NETO1: variants seen among roughly 807,000 people sequenced by gnomAD.
The protein encoded by NETO1 is neuropilin and tolloid like 1.
In NETO1, 26 loss-of-function variants were observed where a neutral mutation model predicts 61.3. The ratio of observed to expected loss-of-function variants is 0.42; its 90% confidence interval spans 0.31 to 0.59. The LOEUF is 0.59. Ranked by LOEUF, NETO1 falls within the 20% of genes least tolerant of loss-of-function variation. The probability of loss-of-function intolerance (pLI) is 0.12; values close to 1 mark genes in which losing one functional copy is unlikely to be tolerated. For missense variants in NETO1, 531 were observed against 662.8 expected, an observed-to-expected ratio of 0.80 and a Z score of 2.18; for synonymous variants, 225 against 225.8, an observed-to-expected ratio of 1.00 and a Z score of 0.03.
chr18:72,829,094 T>C (rs781194463), intron 4 of NETO1, among the ~76,000 whole-genome samples: 3 of 152,130 alleles, frequency 2.0e-5, no homozygotes, highest in Non-Finnish European at 4.4e-5. Flanking sequence ...CAGCACAACT[T>C]ATATTAGAAA....
At chr18:72,832,867 T>C (rs1400509376) in intron 4 of NETO1, among the ~76,000 whole-genome samples, 3 of 152,236 alleles carry the variant, frequency 2.0e-5, no homozygotes, top group Non-Finnish European at 4.4e-5. Flanking sequence ...ATCATAATCA[T>C]GTTTTCTGAA....
At position 72,830,839 on chromosome 18, in the gene NETO1, A is replaced by T. The variant is rs1173021054; in HGVS notation, c.469+27987T>A. Among the ~76,000 whole-genome samples the T allele has an allele frequency of 6.6e-6, 1 of 152,104 alleles. No individual in the cohort carries two copies. The highest frequency in any genetic ancestry group is 1.5e-5 in the Non-Finnish European group (1 of 68,024). On this transcript the variant is annotated intron_variant, in intron 4 of 10. Coordinates refer to ENST00000327305, the MANE Select transcript of NETO1 (RefSeq NM_138966.5). This position sits in a 1 kb window ranked among gnomAD's most constrained non-coding sequence, Gnocchi z 4.9. ...GTTTCCGAAAGATTATGCTACACTTATGGGTTCCAGTTGTTCACTTTTTAT... is the reference window on the plus strand; with the variant it reads ...GTTTCCGAAAGATTATGCTACACTTTTGGGTTCCAGTTGTTCACTTTTTAT...
chr18:72,760,656 C>T (rs1401740683), intron 7 of NETO1, among the ~76,000 whole-genome samples: 1 of 152,134 alleles, frequency 6.6e-6, no homozygotes, highest in African/African-American at 2.4e-5. Context: ...GCTCAGTTAC[C>T]ACATCTGTAA....
Position 72,852,504 on chromosome 18 carries a change from C to T in NETO1, c.469+6322G>A, listed in dbSNP as rs9952650. Among the ~76,000 whole-genome samples, 155 of 152,118 alleles carry T rather than the reference C, an allele frequency of 1.0e-3. 1 individual carries two copies. The highest frequency in any genetic ancestry group is 3.4e-3 in the African/African-American group (141 of 41,496). On this transcript the variant is annotated intron_variant, in intron 4 of 10. Transcript: ENST00000327305. ...TGCCGGGATTACAGGCGTGAGCCAC[C>T]GTGCCCGGCCGGAAGACACTCTTTC...
Position 72,783,896 on chromosome 18 carries a change from C to T in NETO1, c.650G>A (p.Arg217Gln), listed in dbSNP as rs374584848. Residue 217 changes from arginine to glutamine, a missense_variant, in exon 7 of 11, where the codon CGA becomes CAA. Transcript: ENST00000327305. The stretch of plus-strand genomic sequence containing the variant: ...ATTCTGCATCTCATAGTCCAAGAAT[C>T]GTAAGTAAATCTATAAAACAAAAAT... ...RAPPRSKIYL[R>Q]FLDYEMQNSN... is the part of the protein sequence containing the mutation. The T allele has an allele frequency of 6.2e-6, 10 of 1,610,590 alleles. No individual in the cohort carries two copies. Among genetic ancestry groups the T allele is most frequent in the Admixed American group, 3.3e-5 (2 of 59,970 alleles).
intron 4 of NETO1, among the ~76,000 whole-genome samples, chr18:72,821,407 G>GA (rs11453085): frequency 0.42 from 61,413 of 146,452 alleles, 13,419 homozygotes; most frequent in African/African-American, 0.54. Context: ...AAAGAAACAA[G>GA]AAAAAAAAAA....
At chr18:72,858,721 G>C in intron 4 of NETO1, 105 bp downstream of exon 4, 1 of 1,139,376 alleles carries the variant, frequency 8.8e-7, no homozygotes, top group East Asian at 2.5e-5. Context: ...AATAGAACTG[G>C]AACATTCTCT....
chr18:72,783,316 T>G (rs545369526), intron 7 of NETO1, among the ~76,000 whole-genome samples: 4 of 152,328 alleles, frequency 2.6e-5, no homozygotes, highest in African/African-American at 9.6e-5. Context: ...ACCTACCAAA[T>G]ATTTTTATGC....
chr18:72,782,273 A>G (rs1486991299), intron 7 of NETO1, among the ~76,000 whole-genome samples: 2 of 152,170 alleles, frequency 1.3e-5, no homozygotes, highest in African/African-American at 2.4e-5. Flanking sequence ...ATTTGATTCC[A>G]TGCCTTTACT....
chr18:72,777,575 C>G (rs2071596528), intron 7 of NETO1, among the ~76,000 whole-genome samples: 1 of 72,500 alleles, frequency 1.4e-5, no homozygotes. Context: ...CCCGTCTCCA[C>G]TAAAAAATAC....
intron 4 of NETO1, among the ~76,000 whole-genome samples, chr18:72,813,903 A>T (rs2072947646): frequency 6.6e-6 from 1 of 152,112 alleles, no homozygotes; most frequent in African/African-American, 2.4e-5. Context: ...AAAGAAAAAA[A>T]TCTATACACT....
intron 4 of NETO1, among the ~76,000 whole-genome samples, chr18:72,799,103 A>G (rs2072417500): frequency 6.6e-6 from 1 of 152,228 alleles, no homozygotes; most frequent in African/African-American, 2.4e-5. Context: ...TAAAGCTAAG[A>G]AGCCCTTTAT....
intron 1 of NETO1, 98 bp downstream of exon 1, chr18:72,867,166 G>A (rs6566677): frequency 5.5e-6 from 5 of 902,678 alleles, no homozygotes; most frequent in Non-Finnish European, 3.2e-6. Context: ...GGGTCCGCCG[G>A]AGCGCGGCGC....
intron 4 of NETO1, among the ~76,000 whole-genome samples, chr18:72,838,678 C>T (rs1285954752): frequency 6.6e-6 from 1 of 152,164 alleles, no homozygotes; most frequent in Non-Finnish European, 1.5e-5. Context: ...TCCAGTGCAT[C>T]TTGGTGCTAC....
In NETO1 at chr18:72,766,782, T is replaced by TA. The variant is rs35257342; in HGVS notation, c.869-10636dup. On this transcript the variant is annotated intron_variant, in intron 7 of 10. Transcript: ENST00000327305. ...TCATTGGAAACTTACATTCCATATA[T>TA]AAAAAATCTTTCCTTGTATGTGGGG... 3.0e-3 allele frequency among the ~76,000 whole-genome samples: 463 copies of TA among 152,056 alleles called. 1 individual carries two copies. Among genetic ancestry groups the TA allele is most frequent in the Middle Eastern group, 0.01 (3 of 292 alleles).
chr18:72,864,773 AGT>A (rs2074682932), intron 3 of NETO1, 33 bp downstream of exon 3: 4 of 1,613,462 alleles, frequency 2.5e-6, no homozygotes, highest in Non-Finnish European at 3.4e-6. Context: ...GTTTTGGCTT[AGT>A]GCTTTCTTAA....
At chr18:72,764,340 G>GAC (rs1247727412) in intron 7 of NETO1, among the ~76,000 whole-genome samples, 24 of 152,168 alleles carry the variant, frequency 1.6e-4, no homozygotes, top group African/African-American at 5.8e-4. Context: ...ATGTAAATAT[G>GAC]ACACATATCA....
chr18:72,854,399 G>A (rs1260794517), intron 4 of NETO1, among the ~76,000 whole-genome samples: 2 of 152,070 alleles, frequency 1.3e-5, no homozygotes, highest in Non-Finnish European at 2.9e-5. Flanking sequence ...AACTATCATT[G>A]AAAAGGAAAA....
chr18:72,771,887 T>C (rs1180383591), intron 7 of NETO1, among the ~76,000 whole-genome samples: 2 of 151,428 alleles, frequency 1.3e-5, no homozygotes, highest in African/African-American at 4.8e-5. Flanking sequence ...CTTAAAACAA[T>C]ATCTTTTTAT....
Sources: allele counts gnomAD v4.1 joint callset (sites outside exome capture counted in the v4.1 genomes callset), GRCh38; gene constraint gnomAD v4.1.1; non-coding constraint Gnocchi (gnomAD v3.1); transcripts MANE v1.5; gene names NCBI Gene and HGNC (gene_info 2026-07-23, HGNC 2026-07-21).